PTPRK: variants seen among roughly 807,000 people sequenced by gnomAD.
PTPRK encodes the protein receptor-type tyrosine-protein phosphatase kappa.
PTPRK carries 75 observed loss-of-function variants against 178.0 expected under a neutral mutation model. That is an observed-to-expected ratio of 0.42 (90% CI 0.35 to 0.51). The LOEUF is 0.51. Ranked by LOEUF, PTPRK falls within the 20% of genes least tolerant of loss-of-function variation. The pLI, the probability that PTPRK is intolerant of heterozygous loss-of-function variation, is 0.02. For missense variants in PTPRK, 1,441 were observed against 1,797.8 expected, an observed-to-expected ratio of 0.80 and a Z score of 3.59; for synonymous variants, 637 against 620.6, an observed-to-expected ratio of 1.03 and a Z score of -0.39.
At chr6:128,456,932 T>A (rs1230913085) in intron 1 of PTPRK, among the ~76,000 whole-genome samples, 4 of 152,142 alleles carry the variant, frequency 2.6e-5, no homozygotes, top group Non-Finnish European at 5.9e-5. Context: ...TCTATTTCCC[T>A]TTCTTAAAGA....
chr6:128,119,281 A>T (rs11967302), intron 7 of PTPRK, among the ~76,000 whole-genome samples: 14,099 of 151,484 alleles, frequency 0.093, 1,136 homozygotes, highest in African/African-American at 0.21. Context: ...TTTTTTTTTT[A>T]AATTTACATT....
intron 3 of PTPRK, among the ~76,000 whole-genome samples, chr6:128,315,269 G>A (rs1162777070): frequency 6.6e-6 from 1 of 152,070 alleles, no homozygotes; most frequent in Non-Finnish European, 1.5e-5. Context: ...CTAGGTACTA[G>A]ACATTTTTCA....
At chr6:128,473,567 C>T (rs977396946) in intron 1 of PTPRK, among the ~76,000 whole-genome samples, 1 of 151,866 alleles carries the variant, frequency 6.6e-6, no homozygotes, top group Non-Finnish European at 1.5e-5. Flanking sequence ...ATTATGGATG[C>T]AAAGTGGTAA....
intron 1 of PTPRK, among the ~76,000 whole-genome samples, chr6:128,399,283 G>T (rs1840723419): frequency 6.6e-6 from 1 of 152,194 alleles, no homozygotes; most frequent in Non-Finnish European, 1.5e-5. Flanking sequence ...ACAGGGAGGG[G>T]TCAGTGTCAC....
At chr6:128,082,993 TAACA>T (rs1486644559) in intron 9 of PTPRK, among the ~76,000 whole-genome samples, 1 of 152,118 alleles carries the variant, frequency 6.6e-6, no homozygotes, top group East Asian at 1.9e-4. Flanking sequence ...TTATTATTAT[TAACA>T]TATTCTGTAC....
At chr6:128,137,518 A>G (rs1207030048) in intron 7 of PTPRK, among the ~76,000 whole-genome samples, 1 of 152,174 alleles carries the variant, frequency 6.6e-6, no homozygotes, top group African/African-American at 2.4e-5. Context: ...TCTGGCAGTA[A>G]GCGACAATCA....
At chr6:128,354,365 G>A (rs1833675358) in intron 2 of PTPRK, among the ~76,000 whole-genome samples, 1 of 145,072 alleles carries the variant, frequency 6.9e-6, no homozygotes, top group Non-Finnish European at 1.5e-5. Flanking sequence ...AGCCTCCTAA[G>A]TAGCTGGGAC....
chr6:128,067,114 G>A lies in PTPRK; in HGVS notation c.2157+405C>T, dbSNP rs537786026. On this transcript the variant is annotated intron_variant, in intron 12 of 29. Coordinates refer to ENST00000368226, the MANE Select transcript of PTPRK (RefSeq NM_002844.4). Reference sequence around the variant, plus strand: ...TATAAGGTTTTATTAGCCTGCTGTGGAACACGCATTCTGTTTATCCTGCAG... The same window carrying A: ...TATAAGGTTTTATTAGCCTGCTGTGAAACACGCATTCTGTTTATCCTGCAG... 2.0e-5 allele frequency among the ~76,000 whole-genome samples: 3 copies of A among 152,292 alleles called. No individual in the cohort carries two copies. The South Asian group carries it at 6.2e-4, about 32-fold the overall frequency.
chr6:128,151,210 C>T (rs1387937742), intron 7 of PTPRK, among the ~76,000 whole-genome samples: 3 of 151,080 alleles, frequency 2.0e-5, no homozygotes, highest in African/African-American at 4.9e-5. Context: ...TTTTTTTTAC[C>T]CCATTTTATG....
At chr6:128,077,596 T>C (rs554785787) in intron 11 of PTPRK, among the ~76,000 whole-genome samples, 3 of 150,248 alleles carry the variant, frequency 2.0e-5, no homozygotes, top group East Asian at 3.9e-4. Flanking sequence ...CAAACATTAG[T>C]TTTATTTTTA....
chr6:128,186,443 A>G (rs774604291), intron 6 of PTPRK, among the ~76,000 whole-genome samples: 44 of 152,230 alleles, frequency 2.9e-4, no homozygotes, highest in Non-Finnish European at 4.6e-4. Context: ...AACATATGCT[A>G]TATGAAGTGC....
intron 2 of PTPRK, among the ~76,000 whole-genome samples, chr6:128,372,911 C>A (rs775705632): frequency 1.3e-5 from 2 of 151,506 alleles, no homozygotes; most frequent in African/African-American, 4.9e-5. Context: ...GAACTGAGTA[C>A]TCTGATATAC....
intron 18 of PTPRK, among the ~76,000 whole-genome samples, chr6:127,993,593 T>C (rs5010894): frequency 0.049 from 7,369 of 151,720 alleles, 282 homozygotes; most frequent in African/African-American, 0.1. Flanking sequence ...TGAACTGAGA[T>C]CTCCAACCTA....
intron 7 of PTPRK, among the ~76,000 whole-genome samples, chr6:128,147,335 C>A (rs1435669445): frequency 6.6e-6 from 1 of 151,814 alleles, no homozygotes; most frequent in Non-Finnish European, 1.5e-5. Context: ...TAGAAGATAC[C>A]AGGAGCATTT....
intron 8 of PTPRK, among the ~76,000 whole-genome samples, chr6:128,088,909 ACT>A (rs1786426948): frequency 6.6e-6 from 1 of 152,144 alleles, no homozygotes; most frequent in African/African-American, 2.4e-5. Context: ...TTATATTTAG[ACT>A]CACATAAAAC....
intron 5 of PTPRK, among the ~76,000 whole-genome samples, chr6:128,233,257 T>C (rs1812610632): frequency 6.6e-6 from 1 of 152,224 alleles, no homozygotes; most frequent in African/African-American, 2.4e-5. Flanking sequence ...TGAAATGGTG[T>C]AGTGCTATGT....
rs994219492 is a variant in PTPRK, at chr6:128,420,272, C to G, written c.101-22584G>C. On this transcript the variant is annotated intron_variant, in intron 1 of 29. Transcript: ENST00000368226. ...AAATTGTCTCAATGAGGTTAAAATTCTTGGAATGATCCTTTTTTCTATGCA... is the reference window on the plus strand; with the variant it reads ...AAATTGTCTCAATGAGGTTAAAATTGTTGGAATGATCCTTTTTTCTATGCA... Among the ~76,000 whole-genome samples, 9 of 152,230 alleles carry G rather than the reference C, an allele frequency of 5.9e-5. No homozygotes were observed. The South Asian group carries it at 1.5e-3, about 25-fold the overall frequency.
chr6:127,976,478 C>T (rs1305131526), intron 27 of PTPRK, among the ~76,000 whole-genome samples, 179 bp downstream of exon 27: 1 of 152,148 alleles, frequency 6.6e-6, no homozygotes, highest in African/African-American at 2.4e-5. Flanking sequence ...TAGCTTCCAG[C>T]ATTTCTGTTT....
intron 2 of PTPRK, among the ~76,000 whole-genome samples, chr6:128,386,441 T>A (rs1838743214): frequency 1.3e-5 from 2 of 152,078 alleles, no homozygotes. Flanking sequence ...AAATAGTTAA[T>A]CCCTGGCAAG....
Sources: gnomAD v4.1 joint callset for allele counts (sites outside exome capture counted in the v4.1 genomes callset) on GRCh38, gnomAD v4.1.1 for gene constraint, MANE v1.5 for transcripts, NCBI Gene and HGNC (gene_info 2026-07-23, HGNC 2026-07-21) for gene names.